The following MAP2K5 variants were observed in gnomAD, a reference collection of about 807,000 sequenced individuals.
The protein encoded by MAP2K5 is dual specificity mitogen-activated protein kinase kinase 5.
Under a neutral mutation model 83.1 loss-of-function variants are expected in MAP2K5, and 49 were observed. The ratio of observed to expected loss-of-function variants is 0.59; its 90% confidence interval spans 0.47 to 0.75. The LOEUF (loss-of-function observed/expected upper bound fraction) is 0.75, where lower values mean the gene tolerates loss of function less well. Among genes scored for constraint, MAP2K5 ranks in the 30% least tolerant of loss-of-function variants. The pLI is 0.00. For missense variants in MAP2K5, 457 were observed against 557.5 expected (o/e 0.82, Z 1.82); for synonymous variants, 202 against 191.8 (o/e 1.05, Z -0.44).
rs909310482 is a variant in MAP2K5, at chr15:67,780,532, A to G, written c.1242+7780A>G. On this transcript the variant is annotated intron_variant, in intron 21 of 21. Coordinates refer to ENST00000178640, the MANE Select transcript of MAP2K5 (RefSeq NM_145160.3). The surrounding 1 kb of genome is among the most constrained non-coding windows in gnomAD (Gnocchi z 5.0). Reference sequence around the variant, plus strand: ...CACTAAACAGATAGACAAACAAGACATGTATCTGGTTCTCCAGGAACTCAG... The same window carrying G: ...CACTAAACAGATAGACAAACAAGACGTGTATCTGGTTCTCCAGGAACTCAG... 1.3e-5 allele frequency among the ~76,000 whole-genome samples: 2 copies of G among 152,220 alleles called. No individual in the cohort carries two copies. The highest frequency in any genetic ancestry group is 2.9e-5 in the Non-Finnish European group (2 of 68,028).
chr15:67,589,787 G>A (rs200520298), intron 6 of MAP2K5, among the ~76,000 whole-genome samples: 4,745 of 23,804 alleles, frequency 0.2, 105 homozygotes, highest in Non-Finnish European at 0.24. Flanking sequence ...GTGTGTATGT[G>A]TGTGTGTGTG....
chr15:67,730,679 G>A (rs1167011405), intron 17 of MAP2K5, among the ~76,000 whole-genome samples: 1 of 152,188 alleles, frequency 6.6e-6, no homozygotes, highest in East Asian at 1.9e-4. Flanking sequence ...ACACATGAGA[G>A]CCTTTCATAT....
At position 67,764,853 on chromosome 15, in the gene MAP2K5, A is replaced by G. The variant is rs1596934904; in HGVS notation, c.1135-4749A>G. On this transcript the variant is annotated intron_variant, in intron 19 of 21. Coordinates refer to ENST00000178640, the MANE Select transcript of MAP2K5 (RefSeq NM_145160.3). The surrounding 1 kb of genome is among the most constrained non-coding windows in gnomAD (Gnocchi z 4.9). Reference sequence around the variant, plus strand: ...GCCCTTAACTTTTTTCCAGTTGAGTATTTATGCCAGCCTTCTCCCTTATAC... The same window carrying G: ...GCCCTTAACTTTTTTCCAGTTGAGTGTTTATGCCAGCCTTCTCCCTTATAC... Among the ~76,000 whole-genome samples, 2 of 152,180 alleles carry G rather than the reference A, an allele frequency of 1.3e-5. No individual in the cohort carries two copies. The highest frequency in any genetic ancestry group is 6.5e-5 in the Admixed American group (1 of 15,286).
chr15:67,737,143 G>C (rs1177054689), intron 17 of MAP2K5, among the ~76,000 whole-genome samples: 1 of 152,184 alleles, frequency 6.6e-6, no homozygotes, highest in Non-Finnish European at 1.5e-5. Context: ...ATCCACTCAA[G>C]TACTGCCTCC....
intron 13 of MAP2K5, among the ~76,000 whole-genome samples, chr15:67,671,936 G>A (rs1478845615): frequency 2.0e-5 from 3 of 150,966 alleles, no homozygotes; most frequent in Admixed American, 6.6e-5. Context: ...CCTCATGATA[G>A]TTTACTGAGA....
chr15:67,673,317 T>A (rs2087594738), intron 13 of MAP2K5, among the ~76,000 whole-genome samples: 1 of 151,812 alleles, frequency 6.6e-6, no homozygotes, highest in Non-Finnish European at 1.5e-5. Flanking sequence ...TTGAAGAAAA[T>A]GGGAAGGTGA....
At chr15:67,705,017 TATTG>T (rs968769380) in intron 16 of MAP2K5, among the ~76,000 whole-genome samples, 14 of 152,278 alleles carry the variant, frequency 9.2e-5, no homozygotes, top group African/African-American at 3.4e-4. Flanking sequence ...ATTTGTAAAA[TATTG>T]ATCTCTAAGC....
In MAP2K5 at chr15:67,670,899, G is replaced by A. The variant is rs141679994; in HGVS notation, c.847+6254G>A. On this transcript the variant is annotated intron_variant, in intron 13 of 21. Coordinates refer to ENST00000178640, the MANE Select transcript of MAP2K5 (RefSeq NM_145160.3). ...GGACAGTTCTTTCTGTAGTTAAGCC[G>A]ATTTTTTTCCCCAGAGATATTACCA... Among the ~76,000 whole-genome samples, 701 of 152,274 alleles carry A rather than the reference G, an allele frequency of 4.6e-3. 5 individuals are homozygous for A. Among genetic ancestry groups the A allele is most frequent in the African/African-American group, 0.016 (676 of 41,560 alleles).
rs181704928 is a variant in MAP2K5, at chr15:67,698,436, C to T, written c.972+4868C>T. ...AACTCCTGGCCTCAAGTGATCCACC[C>T]TCCTTGGCCTCCCAAAGTGCTGGGA... is the stretch of plus-strand genomic sequence containing the variant. On this transcript the variant is annotated intron_variant, in intron 15 of 21. Coordinates refer to ENST00000178640, the MANE Select transcript of MAP2K5 (RefSeq NM_145160.3). The surrounding 1 kb of genome is among the most constrained non-coding windows in gnomAD (Gnocchi z 4.5). 2.0e-5 allele frequency among the ~76,000 whole-genome samples: 3 copies of T among 152,096 alleles called. No homozygotes were observed. The South Asian group carries it at 6.2e-4, about 31-fold the overall frequency.
intron 15 of MAP2K5, among the ~76,000 whole-genome samples, chr15:67,695,037 C>T (rs1162368739): frequency 6.7e-6 from 1 of 149,582 alleles, no homozygotes; most frequent in Non-Finnish European, 1.5e-5. Context: ...CATATTCTCA[C>T]TCATAGGTGG....
In MAP2K5 at chr15:67,794,219, A is replaced by C. The variant is rs975186128; in HGVS notation, c.1243-12427A>C. Among the ~76,000 whole-genome samples, 11 of 152,122 alleles carry C rather than the reference A, an allele frequency of 7.2e-5. No homozygotes were observed. Among genetic ancestry groups the C allele is most frequent in the African/African-American group, 2.4e-4 (10 of 41,410 alleles). On this transcript the variant is annotated intron_variant, in intron 21 of 21. Coordinates refer to ENST00000178640, the MANE Select transcript of MAP2K5 (RefSeq NM_145160.3). This position sits in a 1 kb window ranked among gnomAD's most constrained non-coding sequence, Gnocchi z 4.6. Reference sequence around the variant, plus strand: ...CGCATTTCAGGCTTCTGTACATTTAATTTTCTTCAACATTACCTTGGAAAC... The same window carrying C: ...CGCATTTCAGGCTTCTGTACATTTACTTTTCTTCAACATTACCTTGGAAAC...
intron 11 of MAP2K5, among the ~76,000 whole-genome samples, chr15:67,649,533 T>G (rs1009933605): frequency 1.3e-5 from 2 of 152,136 alleles, no homozygotes; most frequent in African/African-American, 4.8e-5. Context: ...GGGTCCAAAT[T>G]TATTCGTTTG....
At position 67,755,990 on chromosome 15, in the gene MAP2K5, G is replaced by A. The variant is rs1446269282; in HGVS notation, c.1134+7389G>A. On this transcript the variant is annotated intron_variant, in intron 19 of 21. Transcript: ENST00000178640. This position sits in a 1 kb window ranked among gnomAD's most constrained non-coding sequence, Gnocchi z 4.7. ...TTGTCCTCCCCACATCCTCACTGTG[G>A]CATTCCCGTTGATCCCCATTTTTCA... is the stretch of plus-strand genomic sequence containing the variant. 6.6e-6 allele frequency among the ~76,000 whole-genome samples: 1 copy of A among 152,104 alleles called. No homozygotes were observed. The highest frequency in any genetic ancestry group is 1.5e-5 in the Non-Finnish European group (1 of 68,016).
intron 21 of MAP2K5, among the ~76,000 whole-genome samples, chr15:67,797,504 C>T (rs1802416294): frequency 6.6e-6 from 1 of 152,106 alleles, no homozygotes; most frequent in African/African-American, 2.4e-5. Flanking sequence ...ATTCTGTTGC[C>T]CTCTAACTTC....
intron 21 of MAP2K5, among the ~76,000 whole-genome samples, chr15:67,784,063 G>A (rs1047095390): frequency 1.3e-5 from 2 of 152,112 alleles, no homozygotes; most frequent in Admixed American, 1.3e-4. Context: ...ATTATATAGA[G>A]AGAAATGGAT....
chr15:67,791,028 C>G (rs1246914398), intron 21 of MAP2K5, among the ~76,000 whole-genome samples: 1 of 152,110 alleles, frequency 6.6e-6, no homozygotes. Flanking sequence ...ACCTGTCTAC[C>G]CAGAGAGAGC....
At chr15:67,608,755 T>A (rs1327437470) in intron 8 of MAP2K5, among the ~76,000 whole-genome samples, 1 of 152,196 alleles carries the variant, frequency 6.6e-6, no homozygotes, top group Non-Finnish European at 1.5e-5. Context: ...TTCTTCTGAA[T>A]ACTAGACACA....
In MAP2K5 at chr15:67,806,746, C is replaced by T. The variant is rs780252078; in HGVS notation, c.1343C>T (p.Pro448Leu). The T allele has an allele frequency of 3.7e-5, 58 of 1,555,654 alleles. 1 individual carries two copies. In the Middle Eastern group the frequency reaches 6.6e-4, roughly 18 times the overall value. ...GAGAGGCGGAGCCAGCAGGGGCCCC[C>T]GTGAGGCTGCCGCAGGGCACTGAAA... ...LEERRSQQGP[P>L] The change falls in exon 22 of 22, where the codon CCG becomes CTG. Residue 448 changes from proline (P) to leucine (L), a missense_variant. This residue lies in a region of MAP2K5 where 55 missense variants were observed against 50.9 expected (regional missense o/e 1.08). Coordinates refer to ENST00000178640, the MANE Select transcript of MAP2K5 (RefSeq NM_145160.3).
rs2088937028 is a variant in MAP2K5 at position 67,720,642 on chromosome 15, A to G, written c.1045-7274A>G. On this transcript the variant is annotated intron_variant, in intron 16 of 21. Transcript: ENST00000178640. This position sits in a 1 kb window ranked among gnomAD's most constrained non-coding sequence, Gnocchi z 5.7. ...GGTGGGTCATGAATTAATAATTGCTATGTGGCGGATGAGCCCCGTCAGAAG... is the reference window on the plus strand; with the variant it reads ...GGTGGGTCATGAATTAATAATTGCTGTGTGGCGGATGAGCCCCGTCAGAAG... Among the ~76,000 whole-genome samples the G allele has an allele frequency of 6.6e-6, 1 of 152,158 alleles. No individual in the cohort carries two copies. The highest frequency in any genetic ancestry group is 6.6e-5 in the Admixed American group (1 of 15,266).
Sources: gnomAD v4.1 joint callset for allele counts (sites outside exome capture counted in the v4.1 genomes callset) on GRCh38, gnomAD v4.1.1 for gene constraint, gnomAD v4.1.1 regional missense constraint, Gnocchi (gnomAD v3.1) non-coding constraint, MANE v1.5 for transcripts, NCBI Gene and HGNC (gene_info 2026-07-23, HGNC 2026-07-21) for gene names.